MOGAT1: variants seen among roughly 807,000 people sequenced by gnomAD.
MOGAT1 encodes 2-acylglycerol O-acyltransferase 1.
Under a neutral mutation model 31.4 loss-of-function variants are expected in MOGAT1, and 32 were observed. The ratio of observed to expected loss-of-function variants is 1.02; its 90% CI spans 0.77 to 1.37. MOGAT1 has a LOEUF of 1.37. Among genes scored for constraint, MOGAT1 ranks in the 40% most tolerant of loss-of-function variants. The pLI is 0.00. For synonymous variants in MOGAT1, 145 were observed against 144.5 expected (o/e 1.00, Z -0.03); for missense variants, 426 against 402.0 (o/e 1.06, Z -0.51).
Position 222,702,541 on chromosome 2 carries a change from G to A in MOGAT1, c.854-7195G>A, listed in dbSNP as rs1286680928. Among the ~76,000 whole-genome samples the A allele has an allele frequency of 2.0e-5, 3 of 151,900 alleles. No individual in the cohort carries two copies. In the East Asian group the frequency reaches 5.8e-4, roughly 29 times the overall value. ...TGTATATACACACGTGTGCACACGTGCACAAAATGCTAGAAATTGCTGCAT... is the reference window on the plus strand; with the variant it reads ...TGTATATACACACGTGTGCACACGTACACAAAATGCTAGAAATTGCTGCAT... On this transcript the variant is annotated intron_variant, in intron 5 of 5. Transcript: ENST00000446656.
intron 5 of MOGAT1, chr2:222,699,313 T>C (rs13015057): frequency 0.45 from 67,526 of 151,624 alleles, 15,577 homozygotes; most frequent in African/African-American, 0.51. Context: ...ACTTTTGCTA[T>C]CTTTATAGAA....
At chr2:222,685,481 C>G (rs1202390418) in intron 1 of MOGAT1, among the ~76,000 whole-genome samples, 1 of 151,988 alleles carries the variant, frequency 6.6e-6, no homozygotes, top group Non-Finnish European at 1.5e-5. Context: ...AGACCTACAT[C>G]TTAACTATTA....
intron 5 of MOGAT1, among the ~76,000 whole-genome samples, chr2:222,700,941 C>T (rs1181017581): frequency 6.6e-6 from 1 of 152,180 alleles, no homozygotes; most frequent in East Asian, 1.9e-4. Context: ...ATTCTGTGGT[C>T]CCTCTGCTCC....
intron 1 of MOGAT1, among the ~76,000 whole-genome samples, chr2:222,675,642 G>A (rs1471490564): frequency 1.3e-5 from 2 of 152,016 alleles, no homozygotes; most frequent in Non-Finnish European, 2.9e-5. Context: ...ACCACGCCCG[G>A]CTGATTTTTT....
intron 3 of MOGAT1, among the ~76,000 whole-genome samples, chr2:222,692,792 G>A (rs1322264015): frequency 6.6e-6 from 1 of 152,200 alleles, no homozygotes; most frequent in African/African-American, 2.4e-5. Flanking sequence ...AAGACAAGGA[G>A]CCTGAGGGAA....
chr2:222,685,497 G>C (rs145514576), intron 1 of MOGAT1, among the ~76,000 whole-genome samples: 1 of 151,692 alleles, frequency 6.6e-6, no homozygotes, highest in Non-Finnish European at 1.5e-5. Context: ...TATTATACAT[G>C]CAAAACATGT....
In MOGAT1 at chr2:222,689,590, C is replaced by G. The variant is rs1195825433; in HGVS notation, c.478+121C>G. On this transcript the variant is annotated intron_variant, in intron 3 of 5. Coordinates refer to ENST00000446656, the MANE Select transcript of MOGAT1 (RefSeq NM_058165.3). Reference sequence around the variant, plus strand: ...AGAGTAAAACCTGTTTTATCCTCATCTGGCACTTCCTATGGTGTCTGGGTG... The same window carrying G: ...AGAGTAAAACCTGTTTTATCCTCATGTGGCACTTCCTATGGTGTCTGGGTG... The G allele has an allele frequency of 8.2e-6, 7 of 857,572 alleles. No individual in the cohort carries two copies. In the Admixed American group the frequency reaches 1.6e-4, roughly 19 times the overall value. 53.1% of individuals were successfully genotyped at this position (857,572 alleles called of 1,614,324 possible).
intron 1 of MOGAT1, among the ~76,000 whole-genome samples, chr2:222,673,713 C>A (rs1041080829): frequency 5.9e-5 from 9 of 152,198 alleles, no homozygotes; most frequent in Non-Finnish European, 1.0e-4. Context: ...ACTTCCTAAC[C>A]GATCATTCAA....
At position 222,671,722 on chromosome 2, in the gene MOGAT1, A is replaced by G; in HGVS notation, c.-64A>G. 2.2e-6 allele frequency: 3 copies of G among 1,393,144 alleles called. No homozygotes were observed. The highest frequency in any genetic ancestry group is 3.0e-6 in the Non-Finnish European group (3 of 1,007,976). 86.3% of individuals were successfully genotyped at this position (1,393,144 alleles called of 1,614,324 possible). On this transcript the variant is annotated 5_prime_UTR_variant, in exon 1 of 6. Transcript: ENST00000446656. ...CCGGATCCGGCCGGGCACTTCCCAC[A>G]GGCGCCGCAGAGCAGCGTGGGTGCA...
chr2:222,688,619 A>C, intron 2 of MOGAT1, 97 bp downstream of exon 2: 1 of 856,640 alleles, frequency 1.2e-6, no homozygotes, highest in Non-Finnish European at 1.8e-6. Flanking sequence ...TTCAGAGGGG[A>C]TGTCTTAGTC....
chr2:222,700,838 A>T (rs552425991), intron 5 of MOGAT1, among the ~76,000 whole-genome samples: 1 of 152,324 alleles, frequency 6.6e-6, no homozygotes, highest in African/African-American at 2.4e-5. Context: ...CATGCACTTG[A>T]AATGCAGTGT....
chr2:222,686,375 A>G (rs1382912084), intron 1 of MOGAT1, among the ~76,000 whole-genome samples: 12 of 152,230 alleles, frequency 7.9e-5, no homozygotes, highest in Admixed American at 7.9e-4. Context: ...AGTGAAGGAT[A>G]ATCGTTCTCC....
chr2:222,689,381 G>A lies in MOGAT1; in HGVS notation c.390G>A (p.Lys130=). 6.2e-7 allele frequency: 1 copy of A among 1,614,040 alleles called. No homozygotes were observed. Among genetic ancestry groups the A allele is most frequent in the Non-Finnish European group, 8.5e-7 (1 of 1,179,904 alleles). Reference sequence around the variant, plus strand: ...TTTCTGTAAATTATTCTGACTTCAAGGACCTGTTTCCTGGCTTTACTTCAT... The same window carrying A: ...TTTCTGTAAATTATTCTGACTTCAAAGACCTGTTTCCTGGCTTTACTTCAT... ...GNFSVNYSDF[K]DLFPGFTSYL... is the part of the protein sequence containing the mutation. The change falls in exon 3 of 6, where the codon AAG becomes AAA. Residue 130 remains lysine, a synonymous_variant. Coordinates refer to ENST00000446656, the MANE Select transcript of MOGAT1 (RefSeq NM_058165.3).
At position 222,688,382 on chromosome 2, in the gene MOGAT1, C is replaced by T; in HGVS notation, c.133C>T (p.His45Tyr). 1 of 1,612,744 alleles carries T rather than the reference C, an allele frequency of 6.2e-7. No individual in the cohort carries two copies. The highest frequency in any genetic ancestry group is 1.3e-5 in the African/African-American group (1 of 75,012). Residue 45 changes from histidine to tyrosine, a missense_variant, in exon 2 of 6, where the codon CAC becomes TAC. Transcript: ENST00000446656. Reference sequence around the variant, plus strand: ...TGGAATCACTGTGATGCTGATCATACACAACTATTTGTTCCTTTACATCCC... The same window carrying T: ...TGGAATCACTGTGATGCTGATCATATACAACTATTTGTTCCTTTACATCCC... ...SIGITVMLII[H>Y]NYLFLYIPYL... is the part of the protein sequence containing the mutation.
At chr2:222,707,240 G>A (rs1240470020) in intron 5 of MOGAT1, among the ~76,000 whole-genome samples, 1 of 146,652 alleles carries the variant, frequency 6.8e-6, no homozygotes, top group African/African-American at 2.6e-5. Context: ...GGAAGGAAGG[G>A]AGGGGAAAGA....
chr2:222,709,519 C>T (rs1049875293), intron 5 of MOGAT1, among the ~76,000 whole-genome samples: 1 of 152,186 alleles, frequency 6.6e-6, no homozygotes, highest in African/African-American at 2.4e-5. Flanking sequence ...ACCAGGGTCC[C>T]GACAATCCAG....
chr2:222,680,646 T>C (rs1175719226), intron 1 of MOGAT1, among the ~76,000 whole-genome samples: 1 of 152,178 alleles, frequency 6.6e-6, no homozygotes, highest in African/African-American at 2.4e-5. Flanking sequence ...TTAAAAAATA[T>C]AGTGTCTCCG....
chr2:222,686,099 GA>G (rs1692661517), intron 1 of MOGAT1, among the ~76,000 whole-genome samples: 1 of 152,160 alleles, frequency 6.6e-6, no homozygotes, highest in Non-Finnish European at 1.5e-5. Context: ...TTGTAGAAAG[GA>G]AAACAGAACC....
intron 5 of MOGAT1, among the ~76,000 whole-genome samples, chr2:222,706,726 A>G (rs6720527): frequency 0.57 from 86,736 of 152,060 alleles, 25,548 homozygotes; most frequent in Middle Eastern, 0.71. Context: ...TAGTTACATT[A>G]ACCTCTCTCA....
Sources: gnomAD v4.1 joint callset for allele counts (sites outside exome capture counted in the v4.1 genomes callset) on GRCh38, gnomAD v4.1.1 for gene constraint, MANE v1.5 for transcripts, NCBI Gene and HGNC (gene_info 2026-07-23, HGNC 2026-07-21) for gene names.